Variants in PRMT1 observed in about 807,000 individuals in gnomAD.
The protein encoded by PRMT1 is protein arginine N-methyltransferase 1.
A neutral mutation model predicts 47.4 loss-of-function variants in PRMT1; 5 were observed. That is an observed-to-expected ratio of 0.11 (90% CI 0.06 to 0.22). PRMT1 has a LOEUF of 0.22. PRMT1 is among the 10% of genes least tolerant of loss of function. PRMT1 has a pLI of 1.00. For missense variants in PRMT1, 249 were observed against 518.4 expected, an observed-to-expected ratio of 0.48 and a Z score of 5.05; for synonymous variants, 227 against 204.6, an observed-to-expected ratio of 1.11 and a Z score of -0.94.
At position 49,679,753 on chromosome 19, in the gene PRMT1, C is replaced by T. The variant is rs957685434; in HGVS notation, c.37-119C>T. On this transcript the variant is annotated intron_variant, in intron 1 of 10. Transcript: ENST00000454376. ...TTACTTGCCCCCTTCGCCACCACTCCCCACCAAGAAGGAGAATTGCTGGAA... is the reference window on the plus strand; with the variant it reads ...TTACTTGCCCCCTTCGCCACCACTCTCCACCAAGAAGGAGAATTGCTGGAA... The T allele has an allele frequency of 4.0e-6, 3 of 751,396 alleles. No individual in the cohort carries two copies. The African/African-American group carries it at 5.2e-5, about 13-fold the overall frequency. The allele number at this position is 751,396 out of a possible 1,614,324, so 46.5% of individuals were successfully genotyped here. A position where few individuals can be genotyped will look rare whatever the true frequency, so the allele number is the denominator to read the frequency against.
chr19:49,682,023 C>G lies in PRMT1; in HGVS notation c.306C>G (p.Leu102=). The G allele has an allele frequency of 6.2e-7, 1 of 1,614,228 alleles. No individual in the cohort carries two copies. The highest frequency in any genetic ancestry group is 8.5e-7 in the Non-Finnish European group (1 of 1,180,044). ...VLDVGSGTGI[L]CMFAAKAGAR... is the part of the protein sequence containing the mutation. Reference sequence around the variant, plus strand: ...ACGTCGGCTCGGGCACCGGCATCCTCTGCATGTTTGCTGCCAAGGCCGGGG... The same window carrying G: ...ACGTCGGCTCGGGCACCGGCATCCTGTGCATGTTTGCTGCCAAGGCCGGGG... Residue 102 remains leucine, a synonymous_variant, in exon 4 of 11, where the codon CTC becomes CTG. Coordinates refer to ENST00000454376, the MANE Select transcript of PRMT1 (RefSeq NM_001536.6).
Position 49,684,475 on chromosome 19 carries a change from G to A in PRMT1, c.556-279G>A, listed in dbSNP as rs928677725. 1.3e-5 allele frequency among the ~76,000 whole-genome samples: 2 copies of A among 152,160 alleles called. No homozygotes were observed. Among genetic ancestry groups the A allele is most frequent in the African/African-American group, 4.8e-5 (2 of 41,442 alleles). ...GTGGAGGTGAGGGGTGACAGGGCGT[G>A]TGCAGATTTTGTGGAGGCTTATGGG... On this transcript the variant is annotated intron_variant, in intron 6 of 10. Coordinates refer to ENST00000454376, the MANE Select transcript of PRMT1 (RefSeq NM_001536.6). This position sits in a 1 kb window ranked among gnomAD's most constrained non-coding sequence, Gnocchi z 6.2.
At position 49,677,331 on chromosome 19, in the gene PRMT1, C is replaced by G; in HGVS notation, c.36+15C>G. The G allele has an allele frequency of 7.2e-7, 1 of 1,390,852 alleles. No homozygotes were observed. The highest frequency in any genetic ancestry group is 9.4e-7 in the Non-Finnish European group (1 of 1,067,734). 86.2% of individuals were successfully genotyped at this position (1,390,852 alleles called of 1,614,324 possible). ...GCATCATGGAGGTGAGCGCTTGGAG[C>G]GCCGCCGTGGGCGGGAGGCGGCTTT... On this transcript the variant is annotated intron_variant, in intron 1 of 10. Coordinates refer to ENST00000454376, the MANE Select transcript of PRMT1 (RefSeq NM_001536.6).
chr19:49,684,973 T>C lies in PRMT1; in HGVS notation c.695T>C (p.Ile232Thr), dbSNP rs2082183159. 6.2e-7 allele frequency: 1 copy of C among 1,607,054 alleles called. No homozygotes were observed. Among genetic ancestry groups the C allele is most frequent in the Non-Finnish European group, 8.5e-7 (1 of 1,175,458 alleles). ...FDMSCIKDVA[I>T]KEPLVDVVDP... ...ATGTCTTGCATCAAAGATGTGGCCA[T>C]TAAGGAGCCCCTAGTGGATGTCGTG... The change falls in exon 8 of 11, where the codon ATT becomes ACT. Residue 232 changes from isoleucine to threonine, a missense_variant. By Grantham distance (89) the Ile-to-Thr change is moderately conservative. This residue lies in a region of PRMT1 where 190 missense variants were observed against 456.7 expected (regional missense o/e 0.42). Coordinates refer to ENST00000454376, the MANE Select transcript of PRMT1 (RefSeq NM_001536.6). The surrounding 1 kb of genome is among the most constrained non-coding windows in gnomAD (Gnocchi z 6.2).
Position 49,684,762 on chromosome 19 carries a change from T to C in PRMT1, c.564T>C (p.Asp188=). 2 of 1,557,042 alleles carry C rather than the reference T, an allele frequency of 1.3e-6. No homozygotes were observed. Among genetic ancestry groups the C allele is most frequent in the Non-Finnish European group, 1.7e-6 (2 of 1,150,154 alleles). The change falls in exon 7 of 11, where the codon GAT becomes GAC. Residue 188 remains aspartate, a synonymous_variant. Coordinates refer to ENST00000454376, the MANE Select transcript of PRMT1 (RefSeq NM_001536.6). The surrounding 1 kb of genome is among the most constrained non-coding windows in gnomAD (Gnocchi z 6.2). The part of the protein sequence containing the change: ...LYARDKWLAP[D]GLIFPDRATL... ...GCCCTGCCCCTCTGTAGGCGCCCGATGGCCTCATCTTCCCAGACCGGGCCA... is the reference window on the plus strand; with the variant it reads ...GCCCTGCCCCTCTGTAGGCGCCCGACGGCCTCATCTTCCCAGACCGGGCCA...
chr19:49,688,415 G>T lies in PRMT1; in HGVS notation c.*170G>T. 1 of 646,088 alleles carries T rather than the reference G, an allele frequency of 1.5e-6. No homozygotes were observed. Among genetic ancestry groups the T allele is most frequent in the Admixed American group, 2.7e-5 (1 of 37,274 alleles). 40.0% of individuals were successfully genotyped at this position (646,088 alleles called of 1,614,324 possible). On this transcript the variant is annotated 3_prime_UTR_variant, in exon 11 of 11. Coordinates refer to ENST00000454376, the MANE Select transcript of PRMT1 (RefSeq NM_001536.6). The surrounding 1 kb of genome is among the most constrained non-coding windows in gnomAD (Gnocchi z 5.3). ...TTTTTCATAACTTATGTTTTTATATGGTTGCATTTACGCCAATAAATCCTC... is the reference window on the plus strand; with the variant it reads ...TTTTTCATAACTTATGTTTTTATATTGTTGCATTTACGCCAATAAATCCTC...
chr19:49,684,709 T>C lies in PRMT1; in HGVS notation c.556-45T>C. The C allele has an allele frequency of 2.6e-6, 4 of 1,532,828 alleles. No homozygotes were observed. The highest frequency in any genetic ancestry group is 2.7e-5 in the African/African-American group (2 of 72,750). The allele number at this position is 1,532,828 out of a possible 1,614,324, so 95.0% of individuals were successfully genotyped here. A position where few individuals can be genotyped will look rare whatever the true frequency, so the allele number is the denominator to read the frequency against. On this transcript the variant is annotated intron_variant, in intron 6 of 10. Coordinates refer to ENST00000454376, the MANE Select transcript of PRMT1 (RefSeq NM_001536.6). The surrounding 1 kb of genome is among the most constrained non-coding windows in gnomAD (Gnocchi z 6.2). Reference sequence around the variant, plus strand: ...ATCTTGGAGGCAAGACTCAGGGTAGTGTTGCCAGGCCCCACCCTTCATGCC... The same window carrying C: ...ATCTTGGAGGCAAGACTCAGGGTAGCGTTGCCAGGCCCCACCCTTCATGCC...
Position 49,680,258 on chromosome 19 carries a change from C to A in PRMT1, c.91-229C>A, listed in dbSNP as rs573412530. 6.4e-7 allele frequency: 1 copy of A among 1,553,784 alleles called. No individual in the cohort carries two copies. The highest frequency in any genetic ancestry group is 8.9e-7 in the Non-Finnish European group (1 of 1,129,806). On this transcript the variant is annotated intron_variant, in intron 2 of 10. Coordinates refer to ENST00000454376, the MANE Select transcript of PRMT1 (RefSeq NM_001536.6). The surrounding 1 kb of genome is among the most constrained non-coding windows in gnomAD (Gnocchi z 4.2). ...GAGATGGTAGGCGTGGCTGAGGTAT[C>A]GGGGTGCTCCCCTGGATGGTGCTCT...
intron 5 of PRMT1, chr19:49,683,604 C>T (rs759174068): frequency 6.7e-5 from 15 of 223,216 alleles, no homozygotes; most frequent in East Asian, 1.2e-4. Context: ...AGGAGAATGG[C>T]GTGAACCCGG....
In PRMT1 at chr19:49,677,301, G is replaced by A. The variant is rs543913812; in HGVS notation, c.21G>A (p.Ala7=). The change falls in exon 1 of 11, where the codon GCG becomes GCA. Residue 7 remains alanine, a synonymous_variant. Transcript: ENST00000454376. The part of the protein sequence containing the change: MAAAEA[A]NCIMENFVAT... ...TGAAGATGGCGGCAGCCGAGGCCGCGAACTGCATCATGGAGGTGAGCGCTT... is the reference window on the plus strand; with the variant it reads ...TGAAGATGGCGGCAGCCGAGGCCGCAAACTGCATCATGGAGGTGAGCGCTT... The A allele has an allele frequency of 2.1e-6, 3 of 1,411,526 alleles. No homozygotes were observed. The South Asian group carries it at 4.9e-5, about 23-fold the overall frequency. The allele number at this position is 1,411,526 out of a possible 1,614,324, so 87.4% of individuals were successfully genotyped here. A position where few individuals can be genotyped will look rare whatever the true frequency, so the allele number is the denominator to read the frequency against.
Position 49,685,292 on chromosome 19 carries a change from C to T in PRMT1, c.759+255C>T. On this transcript the variant is annotated intron_variant, in intron 8 of 10. Transcript: ENST00000454376. This position sits in a 1 kb window ranked among gnomAD's most constrained non-coding sequence, Gnocchi z 4.7. ...AACACCCAAAGCTGGCAGCTAAAGCCCACAGCCCATGCACGGAAAGGCAGG... is the reference window on the plus strand; with the variant it reads ...AACACCCAAAGCTGGCAGCTAAAGCTCACAGCCCATGCACGGAAAGGCAGG... The T allele has an allele frequency of 7.0e-7, 1 of 1,418,532 alleles. No homozygotes were observed. 87.9% of individuals were successfully genotyped at this position (1,418,532 alleles called of 1,614,324 possible). A position where few individuals can be genotyped will look rare whatever the true frequency, so the allele number is the denominator to read the frequency against.
At chr19:49,679,173 C>T (rs541098741) in intron 1 of PRMT1, among the ~76,000 whole-genome samples, 38 of 152,052 alleles carry the variant, frequency 2.5e-4, no homozygotes, top group Middle Eastern at 6.8e-3. Context: ...TGTGAGCCAC[C>T]GTGCCCCCAA....
chr19:49,682,171 C>T (rs1399305074), intron 4 of PRMT1, 25 bp from the exon 5 acceptor site: 7 of 1,613,924 alleles, frequency 4.3e-6, no homozygotes, highest in Admixed American at 1.7e-5. Flanking sequence ...ATGGGTCTCA[C>T]CCTCCCTTCT....
rs768685126 is a variant in PRMT1 at position 49,681,135 on chromosome 19, G to A, written c.192+547G>A. Among the ~76,000 whole-genome samples the A allele has an allele frequency of 6.6e-6, 1 of 152,136 alleles. No homozygotes were observed. The highest frequency in any genetic ancestry group is 1.5e-5 in the Non-Finnish European group (1 of 68,034). ...TGCAATCATGGCTCACTGCAGCCTC[G>A]ACCTCCCCGGCTCAGGTGATCCCCC... On this transcript the variant is annotated intron_variant, in intron 3 of 10. Transcript: ENST00000454376. This position sits in a 1 kb window ranked among gnomAD's most constrained non-coding sequence, Gnocchi z 4.4.
intron 5 of PRMT1, 152 bp from the exon 6 acceptor site, chr19:49,683,775 G>A (rs2082160519): frequency 2.5e-6 from 2 of 799,836 alleles, no homozygotes; most frequent in African/African-American, 1.8e-5. Context: ...CCAGAACGAT[G>A]TATGAATTTT....
chr19:49,685,672 A>G lies in PRMT1; in HGVS notation c.760-421A>G, dbSNP rs1599949425. On this transcript the variant is annotated intron_variant, in intron 8 of 10. Transcript: ENST00000454376. The surrounding 1 kb of genome is among the most constrained non-coding windows in gnomAD (Gnocchi z 4.7). ...GTTGAGTGGGGGAGGAGAGGAGACT[A>G]CAGGGGCAGGGACCCCACTCGGGCC... 9.7e-7 allele frequency: 1 copy of G among 1,033,582 alleles called. No individual in the cohort carries two copies. The allele number at this position is 1,033,582 out of a possible 1,614,324, so 64.0% of individuals were successfully genotyped here.
chr19:49,684,697 G>A lies in PRMT1; in HGVS notation c.556-57G>A. The A allele has an allele frequency of 1.3e-6, 2 of 1,516,654 alleles. No homozygotes were observed. The highest frequency in any genetic ancestry group is 2.5e-5 in the East Asian group (1 of 40,752). 93.9% of individuals were successfully genotyped at this position (1,516,654 alleles called of 1,614,324 possible). On this transcript the variant is annotated intron_variant, in intron 6 of 10. Coordinates refer to ENST00000454376, the MANE Select transcript of PRMT1 (RefSeq NM_001536.6). This position sits in a 1 kb window ranked among gnomAD's most constrained non-coding sequence, Gnocchi z 6.2. ...GCAGGAGGCCACATCTTGGAGGCAA[G>A]ACTCAGGGTAGTGTTGCCAGGCCCC... is the stretch of plus-strand genomic sequence containing the variant.
chr19:49,677,208 A>C, upstream of PRMT1: 40 of 1,325,022 alleles, frequency 3.0e-5, no homozygotes, highest in South Asian at 3.7e-5. Flanking sequence ...ACCCTCTGGT[A>C]TAAGGCGGTC....
Position 49,684,707 on chromosome 19 carries a change from A to G in PRMT1, c.556-47A>G, listed in dbSNP as rs928281033. 1 of 1,521,966 alleles carries G rather than the reference A, an allele frequency of 6.6e-7. No individual in the cohort carries two copies. Among genetic ancestry groups the G allele is most frequent in the Non-Finnish European group, 8.9e-7 (1 of 1,122,826 alleles). The allele number at this position is 1,521,966 out of a possible 1,614,324, so 94.3% of individuals were successfully genotyped here. On this transcript the variant is annotated intron_variant, in intron 6 of 10. Transcript: ENST00000454376. The surrounding 1 kb of genome is among the most constrained non-coding windows in gnomAD (Gnocchi z 6.2). ...ACATCTTGGAGGCAAGACTCAGGGTAGTGTTGCCAGGCCCCACCCTTCATG... is the reference window on the plus strand; with the variant it reads ...ACATCTTGGAGGCAAGACTCAGGGTGGTGTTGCCAGGCCCCACCCTTCATG...
Sources: allele counts gnomAD v4.1 joint callset (sites outside exome capture counted in the v4.1 genomes callset), GRCh38; gene constraint gnomAD v4.1.1; regional missense constraint gnomAD v4.1.1; non-coding constraint Gnocchi (gnomAD v3.1); transcripts MANE v1.5; gene names NCBI Gene and HGNC (gene_info 2026-07-23, HGNC 2026-07-21).